The following CDH13 variants were observed in gnomAD, a reference collection of about 807,000 sequenced individuals.
CDH13 encodes the protein cadherin-13.
In CDH13, 24 loss-of-function variants were observed where a neutral mutation model predicts 63.8. That is an observed-to-expected ratio of 0.38 (90% CI 0.27 to 0.53). CDH13 has a LOEUF of 0.53. Ranked by LOEUF, CDH13 falls within the 20% of genes least tolerant of loss-of-function variation. CDH13 has a pLI of 0.85. For synonymous variants in CDH13, 503 were observed against 355.3 expected (o/e 1.42, Z -4.67); for missense variants, 1,049 against 903.1 (o/e 1.16, Z -2.07).
chr16:83,298,047 C>CAAAAAAA (rs71382871), intron 5 of CDH13, among the ~76,000 whole-genome samples: 2 of 99,746 alleles, frequency 2.0e-5, no homozygotes, highest in Non-Finnish European at 4.2e-5. Flanking sequence ...CTTGTTTCTA[C>CAAAAAAA]AAAAAAAAAA....
intron 1 of CDH13, among the ~76,000 whole-genome samples, chr16:82,856,158 C>T (rs1446406238): frequency 2.0e-5 from 3 of 151,886 alleles, no homozygotes; most frequent in African/African-American, 7.3e-5. Flanking sequence ...GGGTGGATCA[C>T]GAGGTCAGCA....
intron 10 of CDH13, among the ~76,000 whole-genome samples, chr16:83,706,238 T>C (rs978028472): frequency 3.3e-5 from 5 of 152,306 alleles, no homozygotes; most frequent in Admixed American, 1.3e-4. Context: ...GGCGGCCAGG[T>C]TCCAAAGGTG....
intron 4 of CDH13, among the ~76,000 whole-genome samples, chr16:83,151,567 G>A (rs1174875394): frequency 6.6e-6 from 1 of 152,170 alleles, no homozygotes; most frequent in Non-Finnish European, 1.5e-5. Flanking sequence ...AAGTTCTAGA[G>A]AGTATTTGCT....
At chr16:83,780,674 C>T (rs1328601502) in intron 12 of CDH13, among the ~76,000 whole-genome samples, 4 of 152,198 alleles carry the variant, frequency 2.6e-5, no homozygotes, top group Admixed American at 1.3e-4. Context: ...AGCCACAAGA[C>T]TGTGATTCTT....
intron 7 of CDH13, among the ~76,000 whole-genome samples, chr16:83,574,141 A>G (rs1197724342): frequency 6.6e-6 from 1 of 152,156 alleles, no homozygotes; most frequent in Non-Finnish European, 1.5e-5. Context: ...CAGATGAGAG[A>G]GATAAGTGCC....
At chr16:83,259,251 T>C (rs1906667639) in intron 5 of CDH13, among the ~76,000 whole-genome samples, 2 of 152,288 alleles carry the variant, frequency 1.3e-5, no homozygotes, top group South Asian at 4.1e-4. Context: ...ATCTGTGAAG[T>C]GGAGCTAATG....
chr16:82,959,909 T>C (rs924701753), intron 2 of CDH13, among the ~76,000 whole-genome samples: 3 of 152,222 alleles, frequency 2.0e-5, no homozygotes, highest in African/African-American at 7.2e-5. Context: ...TTTCATTCTC[T>C]GAGATGAATT....
At chr16:83,038,423 A>G (rs1369980117) in intron 3 of CDH13, among the ~76,000 whole-genome samples, 5 of 152,324 alleles carry the variant, frequency 3.3e-5, no homozygotes, top group African/African-American at 1.2e-4. Context: ...CTGAGTAGGC[A>G]GAAGAGCAGT....
intron 8 of CDH13, among the ~76,000 whole-genome samples, chr16:83,606,596 C>T (rs1011515367): frequency 1.3e-5 from 2 of 151,418 alleles, no homozygotes; most frequent in Admixed American, 1.3e-4. Flanking sequence ...CAAAAATTAT[C>T]CAGGCATGTA....
intron 7 of CDH13, among the ~76,000 whole-genome samples, chr16:83,563,404 T>C (rs2075741394): frequency 6.6e-6 from 1 of 152,242 alleles, no homozygotes; most frequent in Non-Finnish European, 1.5e-5. Flanking sequence ...GCTGTAATTT[T>C]ACATCCTGAA....
rs576861486 is a variant in CDH13 at position 83,045,366 on chromosome 16, C to T, written c.366+13148C>T. Among the ~76,000 whole-genome samples the T allele has an allele frequency of 2.0e-5, 3 of 152,160 alleles. No homozygotes were observed. In the South Asian group the frequency reaches 6.2e-4, roughly 32 times the overall value. On this transcript the variant is annotated intron_variant, in intron 3 of 13. Coordinates refer to ENST00000567109, the MANE Select transcript of CDH13 (RefSeq NM_001257.5). ...CTGTAAGAGATGGGTTGGCTGGGGG[C>T]GATGGCTCAAACCTGTAATCCTAGC...
chr16:83,006,455 G>A (rs1469275889), intron 2 of CDH13, among the ~76,000 whole-genome samples: 2 of 151,996 alleles, frequency 1.3e-5, no homozygotes, highest in East Asian at 3.9e-4. Flanking sequence ...TGCCTTTCAG[G>A]GACAAATCAA....
chr16:83,099,881 G>A (rs1431100365), intron 3 of CDH13, among the ~76,000 whole-genome samples: 5 of 152,078 alleles, frequency 3.3e-5, no homozygotes, highest in African/African-American at 9.7e-5. Flanking sequence ...TACTGTTATC[G>A]CTGCTGTTTT....
chr16:83,729,556 G>A (rs1458350390), intron 10 of CDH13, among the ~76,000 whole-genome samples: 11 of 152,320 alleles, frequency 7.2e-5, no homozygotes, highest in East Asian at 1.9e-4. Flanking sequence ...GAGCATGGGC[G>A]CTATGGTTGG....
chr16:83,764,984 C>A (rs1914266687), intron 11 of CDH13, among the ~76,000 whole-genome samples: 1 of 152,230 alleles, frequency 6.6e-6, no homozygotes, highest in Non-Finnish European at 1.5e-5. Flanking sequence ...AACCTTCATC[C>A]TCTCTACAAG....
At chr16:83,665,718 C>T (rs960332489) in intron 8 of CDH13, among the ~76,000 whole-genome samples, 7 of 152,228 alleles carry the variant, frequency 4.6e-5, no homozygotes, top group Admixed American at 2.6e-4. Flanking sequence ...AGCATGCAAG[C>T]TTGCATATGT....
chr16:83,116,917 T>C (rs1292363960), intron 3 of CDH13, among the ~76,000 whole-genome samples: 1 of 152,210 alleles, frequency 6.6e-6, no homozygotes, highest in African/African-American at 2.4e-5. Flanking sequence ...CAGGACAATG[T>C]AGGTTCTTCA....
At position 83,180,847 on chromosome 16, in the gene CDH13, A is replaced by C. The variant is rs980685416; in HGVS notation, c.484-36498A>C. ...TATTTTAATCCCCAATTTACAACAAAATGTGTTTTTTTTTTCTTACAGAGA... is the reference window on the plus strand; with the variant it reads ...TATTTTAATCCCCAATTTACAACAACATGTGTTTTTTTTTTCTTACAGAGA... On this transcript the variant is annotated intron_variant, in intron 4 of 13. Coordinates refer to ENST00000567109, the MANE Select transcript of CDH13 (RefSeq NM_001257.5). 172 of 1,485,488 alleles carry C rather than the reference A, an allele frequency of 1.2e-4. 1 individual carries two copies. The highest frequency in any genetic ancestry group is 6.1e-4 in the Admixed American group (31 of 50,710). 92.0% of individuals were successfully genotyped at this position (1,485,488 alleles called of 1,614,324 possible).
At chr16:82,637,846 G>A (rs913282797) in intron 1 of CDH13, 1 of 152,186 alleles carries the variant, frequency 6.6e-6, no homozygotes, top group East Asian at 1.9e-4. Flanking sequence ...GTGCGTGGGC[G>A]AGTCCACCTG....
Sources: gnomAD v4.1 joint callset for allele counts (sites outside exome capture counted in the v4.1 genomes callset) on GRCh38, gnomAD v4.1.1 for gene constraint, MANE v1.5 for transcripts, NCBI Gene and HGNC (gene_info 2026-07-23, HGNC 2026-07-21) for gene names.